The following REXO1 variants were observed in gnomAD, a reference collection of about 807,000 sequenced individuals.
REXO1 encodes the protein REX1, RNA exonuclease 1 homolog.
In REXO1, 42 loss-of-function variants were observed where a neutral mutation model predicts 102.6. That is an observed-to-expected ratio of 0.41 (90% CI 0.32 to 0.53). REXO1 has a LOEUF of 0.53. REXO1 is among the 20% of genes least tolerant of loss of function. The pLI is 0.27. For synonymous variants in REXO1, 908 were observed against 779.1 expected (o/e 1.17, Z -2.76); for missense variants, 1,819 against 1,732.5 (o/e 1.05, Z -0.89).
intron 3 of REXO1, among the ~76,000 whole-genome samples, chr19:1,825,359 A>AAG (rs1481136507): frequency 1.3e-5 from 2 of 151,122 alleles, no homozygotes; most frequent in Middle Eastern, 3.2e-3. Context: ...CAGAGGGATG[A>AAG]AGCTGGGAGC....
rs1035427492 is a variant in REXO1, at chr19:1,848,211, G to A, written c.148C>T (p.Pro50Ser). ...GGCGGGCGGGCATTACCTGCTGCGGGGGGCGCCTCTCCGCCGTCACCGGGC... is the reference window on the plus strand; with the variant it reads ...GGCGGGCGGGCATTACCTGCTGCGGAGGGCGCCTCTCCGCCGTCACCGGGC... ...GAPGDGGEAP[P>S]AAGLGYDPYN... The change falls in exon 1 of 16, where the codon CCC becomes TCC. Residue 50 changes from proline to serine, a missense_variant. Pro to Ser is a moderately conservative substitution (Grantham distance 74). Transcript: ENST00000170168. 1.6e-6 allele frequency: 2 copies of A among 1,221,278 alleles called. No homozygotes were observed. Among genetic ancestry groups the A allele is most frequent in the Non-Finnish European group, 2.0e-6 (2 of 978,062 alleles). The allele number at this position is 1,221,278 out of a possible 1,614,324, so 75.7% of individuals were successfully genotyped here. A position where few individuals can be genotyped will look rare whatever the true frequency, so the allele number is the denominator to read the frequency against.
chr19:1,834,502 C>G (rs544913332), intron 1 of REXO1, among the ~76,000 whole-genome samples: 1 of 152,270 alleles, frequency 6.6e-6, no homozygotes, highest in Non-Finnish European at 1.5e-5. Flanking sequence ...GAAGCTTTGC[C>G]TCCCCGGCTC....
At chr19:1,835,451 G>A (rs1469419268) in intron 1 of REXO1, among the ~76,000 whole-genome samples, 1 of 152,174 alleles carries the variant, frequency 6.6e-6, no homozygotes, top group Non-Finnish European at 1.5e-5. Context: ...GGGAAGCTGA[G>A]GCAGGAGAAT....
rs759792519 is a variant in REXO1, at chr19:1,821,629, C to T, written c.2284G>A (p.Gly762Ser). The change falls in exon 5 of 16, where the codon GGC becomes AGC. Residue 762 changes from glycine (G) to serine (S), a missense_variant. By Grantham distance (56) the Gly-to-Ser change is moderately conservative. Transcript: ENST00000170168. ...AGCTGCTGGCCACCTGGCTCAGGGC[C>T]GTTGGAGGACTGGCTGCCGCTGGCC... ...LAASGSQSSN[G>S]PEPGGQQLKT... 4 of 1,613,510 alleles carry T rather than the reference C, an allele frequency of 2.5e-6. No individual in the cohort carries two copies. The highest frequency in any genetic ancestry group is 1.1e-5 in the South Asian group (1 of 91,078).
At chr19:1,848,123 G>T in intron 1 of REXO1, 79 bp downstream of exon 1, 1 of 711,996 alleles carries the variant, frequency 1.4e-6, no homozygotes, top group South Asian at 7.2e-5. Flanking sequence ...CGAGAACGGG[G>T]ACCCCGGGCG....
intron 1 of REXO1, among the ~76,000 whole-genome samples, chr19:1,847,915 G>A (rs534797145): frequency 9.5e-4 from 145 of 152,274 alleles, no homozygotes; most frequent in Non-Finnish European, 1.6e-3. Flanking sequence ...TGTCAGGCCC[G>A]GTGCCCGGTA....
intron 1 of REXO1, among the ~76,000 whole-genome samples, chr19:1,829,819 A>G (rs1023933502): frequency 2.6e-5 from 4 of 152,134 alleles, no homozygotes; most frequent in Admixed American, 1.3e-4. Context: ...AACAAAAAAA[A>G]ATTTGTAGAG....
rs1007356157 is a variant in REXO1, at chr19:1,848,223, C to T, written c.136G>A (p.Gly46Arg). ...TTACCTGCTGCGGGGGGCGCCTCTC[C>T]GCCGTCACCGGGCGCGCCGGAGCCC... is the stretch of plus-strand genomic sequence containing the variant. The part of the protein sequence containing the change: ...ARGSGAPGDG[G>R]EAPPAAGLGY... The change falls in exon 1 of 16, where the codon GGA becomes AGA. Residue 46 changes from glycine to arginine, a missense_variant. Gly to Arg is a moderately radical substitution (Grantham distance 125). Coordinates refer to ENST00000170168, the MANE Select transcript of REXO1 (RefSeq NM_020695.4). The T allele has an allele frequency of 1.6e-6, 2 of 1,226,188 alleles. No individual in the cohort carries two copies. The highest frequency in any genetic ancestry group is 2.0e-6 in the Non-Finnish European group (2 of 981,240). 76.0% of individuals were successfully genotyped at this position (1,226,188 alleles called of 1,614,324 possible). A position where few individuals can be genotyped will look rare whatever the true frequency, so the allele number is the denominator to read the frequency against.
intron 1 of REXO1, among the ~76,000 whole-genome samples, chr19:1,839,110 G>A (rs1181589046): frequency 1.3e-5 from 2 of 152,052 alleles, no homozygotes; most frequent in Admixed American, 1.3e-4. Context: ...CAAAAAATTA[G>A]CTGGGCGTGG....
rs200306384 is a variant in REXO1 at position 1,825,906 on chromosome 19, G to C, written c.1949C>G (p.Ser650Trp). 8.7e-6 allele frequency: 14 copies of C among 1,609,748 alleles called. No homozygotes were observed. The highest frequency in any genetic ancestry group is 1.7e-5 in the Admixed American group (1 of 59,266). ...CCCGGGGAACAGAGTGGTCAGACCC[G>C]AAAGCCCCTTCTCCTCACTCTTCTC... ...KEEKSEEKGL[S>W]GLTTLFPGQK... The change falls in exon 3 of 16, where the codon TCG becomes TGG. Residue 650 changes from serine to tryptophan, a missense_variant. By Grantham distance (177) the Ser-to-Trp change is radical. Coordinates refer to ENST00000170168, the MANE Select transcript of REXO1 (RefSeq NM_020695.4).
At position 1,817,481 on chromosome 19, in the gene REXO1, G is replaced by T. The variant is rs1223068976; in HGVS notation, c.3091-152C>A. On this transcript the variant is annotated intron_variant, in intron 11 of 15. Transcript: ENST00000170168. ...ACCCTGGTGAGCAGGTGGGGAAGGG[G>T]GCTTGCCAAGAAGACACAGGGAGGA... The T allele has an allele frequency of 6.1e-6, 9 of 1,474,312 alleles. No homozygotes were observed. In the South Asian group the frequency reaches 9.6e-5, roughly 16 times the overall value. The allele number at this position is 1,474,312 out of a possible 1,614,324, so 91.3% of individuals were successfully genotyped here.
At chr19:1,818,871 T>C in intron 8 of REXO1, 28 bp from the exon 9 acceptor site, 1 of 1,606,442 alleles carries the variant, frequency 6.2e-7, no homozygotes, top group Non-Finnish European at 8.5e-7. Context: ...GGTCAGCCCC[T>C]GCCTGGGATG....
chr19:1,818,494 G>C lies in REXO1; in HGVS notation c.3004C>G (p.Arg1002Gly). ...GGTAAGGCCTTACCCCGGTTCCGGC[G>C]CAGCCGTCCCCAGTGGTAATAACAC... The part of the protein sequence containing the change: ...EECYYHWGRL[R>G]RNRVAGGWET... Residue 1002 changes from arginine (R) to glycine (G), a missense_variant, in exon 10 of 16, where the codon CGC becomes GGC. Physicochemically the swap from Arg to Gly is moderately radical, Grantham distance 125. Coordinates refer to ENST00000170168, the MANE Select transcript of REXO1 (RefSeq NM_020695.4). The C allele has an allele frequency of 1.9e-6, 3 of 1,604,602 alleles. No individual in the cohort carries two copies. Among genetic ancestry groups the C allele is most frequent in the Non-Finnish European group, 1.7e-6 (2 of 1,176,652 alleles).
rs1287607927 is a variant in REXO1, at chr19:1,827,149, C to A, written c.1640G>T (p.Ser547Ile). 3.9e-6 allele frequency: 6 copies of A among 1,542,238 alleles called. No homozygotes were observed. The Admixed American group carries it at 1.2e-4, about 30-fold the overall frequency. Reference protein sequence around the residue: ...SVWPSALPSLSSDSDSDSDSS... With the variant: ...SVWPSALPSLISDSDSDSDSS... ...GTCTGAGTCGGAGTCTGAGTCCGAG[C>A]TGAGGCTGGGGAGGGCAGAGGGCCA... The change falls in exon 2 of 16, where the codon AGC (serine) becomes ATC (isoleucine). Residue 547 changes from serine (S) to isoleucine (I), a missense_variant. Ser to Ile is a moderately radical substitution (Grantham distance 142, BLOSUM62 -2). Coordinates refer to ENST00000170168, the MANE Select transcript of REXO1 (RefSeq NM_020695.4).
At chr19:1,820,126 G>A (rs1397798473) in intron 6 of REXO1, 69 bp from the exon 7 acceptor site, 8 of 1,571,068 alleles carry the variant, frequency 5.1e-6, no homozygotes, top group Admixed American at 2.1e-5. Context: ...CGGTGGGGTC[G>A]CCATGGGGTC....
intron 1 of REXO1, among the ~76,000 whole-genome samples, chr19:1,837,508 A>T (rs1218480277): frequency 1.3e-5 from 2 of 152,216 alleles, no homozygotes; most frequent in East Asian, 1.9e-4. Context: ...GGAAAAGTCC[A>T]GCCAGTGCCG....
In REXO1 at chr19:1,818,729, G is replaced by A. The variant is rs764129801; in HGVS notation, c.2879C>T (p.Ala960Val). The change falls in exon 9 of 16, where the codon GCT becomes GTT. Residue 960 changes from alanine (A) to valine (V), a missense_variant. Transcript: ENST00000170168. The part of the protein sequence containing the change: ...ERPGGAIIFT[A>V]EEKRPKDSSC... Reference sequence around the variant, plus strand: ...ACAGTCCTTGGGCCTCTTCTCCTCAGCTGTGAAGATGATTGCGCCCCCGGG... The same window carrying A: ...ACAGTCCTTGGGCCTCTTCTCCTCAACTGTGAAGATGATTGCGCCCCCGGG... The A allele has an allele frequency of 6.2e-7, 1 of 1,611,192 alleles. No individual in the cohort carries two copies. The highest frequency in any genetic ancestry group is 8.5e-7 in the Non-Finnish European group (1 of 1,179,904).
Position 1,817,266 on chromosome 19 carries a change from G to A in REXO1, c.3154C>T (p.Leu1052Phe). The part of the protein sequence containing the change: ...EGFVKTFEKE[L>F]SGDTHPGIYA... ...ATCCCCGGGTGGGTGTCTCCTGAGAGCTCTTTCTCAAAGGTCTTCACGAAG... is the reference window on the plus strand; with the variant it reads ...ATCCCCGGGTGGGTGTCTCCTGAGAACTCTTTCTCAAAGGTCTTCACGAAG... Residue 1052 changes from leucine (L) to phenylalanine (F), a missense_variant, in exon 12 of 16, where the codon CTC (leucine) becomes TTC (phenylalanine). By Grantham distance (22) the Leu-to-Phe change is conservative. Coordinates refer to ENST00000170168, the MANE Select transcript of REXO1 (RefSeq NM_020695.4). 6.2e-7 allele frequency: 1 copy of A among 1,613,184 alleles called. No individual in the cohort carries two copies. The highest frequency in any genetic ancestry group is 8.5e-7 in the Non-Finnish European group (1 of 1,180,004).
At chr19:1,820,547 A>C (rs896448935) in intron 5 of REXO1, 152 bp from the exon 6 acceptor site, 3 of 832,382 alleles carry the variant, frequency 3.6e-6, no homozygotes, top group African/African-American at 1.7e-5. Flanking sequence ...AGACACGCCA[A>C]GGCAAGACAG....
Sources: allele counts gnomAD v4.1 joint callset (sites outside exome capture counted in the v4.1 genomes callset), GRCh38; gene constraint gnomAD v4.1.1; transcripts MANE v1.5; gene names NCBI Gene and HGNC (gene_info 2026-07-23, HGNC 2026-07-21).